The following RBFOX1 variants were observed in gnomAD, a reference collection of about 807,000 sequenced individuals.
The protein encoded by RBFOX1 is RNA binding fox-1 homolog 1.
A neutral mutation model predicts 57.7 loss-of-function variants in RBFOX1; 8 were observed. The observed-to-expected ratio is 0.14, with a 90% CI of 0.08 to 0.25. The LOEUF is 0.25. Ranked by LOEUF, RBFOX1 falls within the 10% of genes least tolerant of loss-of-function variation. The pLI is 1.00. For synonymous variants in RBFOX1, 326 were observed against 222.4 expected, an observed-to-expected ratio of 1.47 and a Z score of -4.15; for missense variants, 611 against 548.5, an observed-to-expected ratio of 1.11 and a Z score of -1.14.
At chr16:7,593,357 C>T (rs911580864) in intron 7 of RBFOX1, among the ~76,000 whole-genome samples, 1 of 152,090 alleles carries the variant, frequency 6.6e-6, no homozygotes, top group Non-Finnish European at 1.5e-5. Context: ...GAGCAAAATC[C>T]CCCTAAATTC....
intron 2 of RBFOX1, among the ~76,000 whole-genome samples, chr16:6,333,759 A>T (rs968413109): frequency 6.6e-6 from 1 of 152,220 alleles, no homozygotes; most frequent in Admixed American, 6.5e-5. Context: ...ACATCAACGA[A>T]TGGTTAGAAA....
At chr16:7,067,380 T>G (rs1481384813) in intron 4 of RBFOX1, among the ~76,000 whole-genome samples, 2 of 151,860 alleles carry the variant, frequency 1.3e-5, no homozygotes, top group East Asian at 3.9e-4. Context: ...TCAACAAGAA[T>G]CTCACTGAAG....
At chr16:5,900,486 TC>T (rs1479950133) in intron 4 of RBFOX1, among the ~76,000 whole-genome samples, 1 of 152,118 alleles carries the variant, frequency 6.6e-6, no homozygotes, top group Non-Finnish European at 1.5e-5. Context: ...AAATGAAGAT[TC>T]TGTTTCCTTT....
intron 3 of RBFOX1, among the ~76,000 whole-genome samples, chr16:5,704,080 C>T (rs954026995): frequency 6.6e-6 from 1 of 152,042 alleles, no homozygotes; most frequent in African/African-American, 2.4e-5. Context: ...TTCTTATTAC[C>T]CACCTTGAAC....
chr16:6,160,906 C>T (rs538463068), intron 1 of RBFOX1, among the ~76,000 whole-genome samples: 7 of 152,276 alleles, frequency 4.6e-5, no homozygotes, highest in Non-Finnish European at 5.9e-5. Context: ...CATCGCTCTC[C>T]GCACACGATC....
At chr16:6,433,958 A>T (rs1452152443) in intron 2 of RBFOX1, among the ~76,000 whole-genome samples, 5 of 148,362 alleles carry the variant, frequency 3.4e-5, no homozygotes, top group African/African-American at 1.2e-4. Context: ...AGCAATTTCC[A>T]TGCCTCATCC....
intron 1 of RBFOX1, among the ~76,000 whole-genome samples, chr16:6,158,165 A>C (rs17804012): frequency 0.61 from 93,273 of 152,036 alleles, 29,423 homozygotes; most frequent in Admixed American, 0.7. Context: ...CACTTTAGTC[A>C]CTAGGTATCA....
chr16:6,781,387 C>A (rs779571022), intron 3 of RBFOX1, among the ~76,000 whole-genome samples: 13 of 151,960 alleles, frequency 8.6e-5, no homozygotes, highest in Non-Finnish European at 1.9e-4. Flanking sequence ...CTGAAGTTTT[C>A]TTTTTTCGTT....
intron 3 of RBFOX1, among the ~76,000 whole-genome samples, chr16:6,781,701 C>T (rs772115647): frequency 6.6e-6 from 1 of 151,944 alleles, no homozygotes; most frequent in African/African-American, 2.4e-5. Context: ...TTTTCCAAAT[C>T]GTTGGCCTAT....
intron 1 of RBFOX1, among the ~76,000 whole-genome samples, chr16:6,291,608 C>A (rs1454322224): frequency 1.3e-5 from 2 of 152,186 alleles, no homozygotes; most frequent in African/African-American, 2.4e-5. Flanking sequence ...TCACCTCTTG[C>A]CCGCCTGAGG....
At chr16:6,710,526 A>G (rs1302796738) in intron 3 of RBFOX1, among the ~76,000 whole-genome samples, 1 of 152,252 alleles carries the variant, frequency 6.6e-6, no homozygotes, top group Non-Finnish European at 1.5e-5. Context: ...TCAGAACCTC[A>G]AAAGGTGATG....
chr16:6,935,692 G>A (rs1377075321), intron 3 of RBFOX1, among the ~76,000 whole-genome samples: 3 of 152,164 alleles, frequency 2.0e-5, no homozygotes, highest in Admixed American at 1.3e-4. Flanking sequence ...AGGGTGATTA[G>A]GAGGTTTGAG....
At chr16:5,658,116 A>C (rs1443589114) in intron 3 of RBFOX1, among the ~76,000 whole-genome samples, 1 of 152,154 alleles carries the variant, frequency 6.6e-6, no homozygotes, top group African/African-American at 2.4e-5. Flanking sequence ...GCTACAAGTC[A>C]GTTGTTGAGC....
intron 4 of RBFOX1, among the ~76,000 whole-genome samples, chr16:5,936,039 T>A (rs1351108142): frequency 1.3e-5 from 2 of 152,032 alleles, no homozygotes; most frequent in African/African-American, 4.8e-5. Flanking sequence ...AACCCATTTT[T>A]TTTTTATGTC....
chr16:7,109,976 A>T (rs1365639385), intron 4 of RBFOX1, among the ~76,000 whole-genome samples: 1 of 152,164 alleles, frequency 6.6e-6, no homozygotes. Flanking sequence ...AGGACACTGC[A>T]GAGTAAAACA....
intron 4 of RBFOX1, among the ~76,000 whole-genome samples, chr16:7,477,625 C>G (rs975000734): frequency 6.6e-6 from 1 of 152,184 alleles, no homozygotes; most frequent in African/African-American, 2.4e-5. Flanking sequence ...CCCCAAGCTG[C>G]TCTCACCTTA....
chr16:6,644,224 T>A (rs2098515295), intron 2 of RBFOX1, among the ~76,000 whole-genome samples: 1 of 152,224 alleles, frequency 6.6e-6, no homozygotes, highest in Non-Finnish European at 1.5e-5. Context: ...AAGCCGTTGT[T>A]ATTTTCACAA....
intron 5 of RBFOX1, among the ~76,000 whole-genome samples, chr16:7,562,642 C>T (rs922922761): frequency 1.3e-5 from 2 of 152,190 alleles, no homozygotes; most frequent in African/African-American, 4.8e-5. Context: ...CACTTCTCAT[C>T]ACCAGGATGC....
chr16:5,607,898 G>T (rs2047643648), intron 3 of RBFOX1, among the ~76,000 whole-genome samples: 1 of 152,160 alleles, frequency 6.6e-6, no homozygotes, highest in African/African-American at 2.4e-5. Context: ...GGATTTCATT[G>T]TATGATTGGA....
Sources: gnomAD v4.1 joint callset for allele counts (sites outside exome capture counted in the v4.1 genomes callset) on GRCh38, gnomAD v4.1.1 for gene constraint, MANE v1.5 for transcripts, NCBI Gene and HGNC (gene_info 2026-07-23, HGNC 2026-07-21) for gene names.